ANKFY1: variants seen among roughly 807,000 people sequenced by gnomAD.
ANKFY1 encodes the protein ankyrin repeat and FYVE domain containing 1, also known as ankyrin repeat and FYVE domain-containing protein 1.
In ANKFY1, 47 loss-of-function variants were observed where a neutral mutation model predicts 128.3. The ratio of observed to expected loss-of-function variants is 0.37; its 90% CI spans 0.29 to 0.47. ANKFY1 has a LOEUF of 0.47. Among genes scored for constraint, ANKFY1 ranks in the 20% least tolerant of loss-of-function variants. The pLI is 1.00. For missense variants in ANKFY1, 1,222 were observed against 1,510.6 expected, an observed-to-expected ratio of 0.81 and a Z score of 3.17; for synonymous variants, 553 against 601.6, an observed-to-expected ratio of 0.92 and a Z score of 1.18.
intron 1 of ANKFY1, among the ~76,000 whole-genome samples, chr17:4,248,374 C>T (rs1182521274): frequency 1.3e-5 from 2 of 152,210 alleles, no homozygotes; most frequent in Non-Finnish European, 2.9e-5. Context: ...GACTCCAGTG[C>T]CTGATGATCT....
chr17:4,183,458 T>C lies in ANKFY1; in HGVS notation c.1892A>G (p.Gln631Arg), dbSNP rs775457875. Residue 631 changes from glutamine to arginine, a missense_variant, in exon 14 of 25, where the codon CAG (glutamine) becomes CGG (arginine). Coordinates refer to ENST00000341657, the MANE Select transcript of ANKFY1 (RefSeq NM_001330063.2). ...DGQTLLHMAI[Q>R]RQDSKSALFL... ...GAGTGCGCTCTTGCTGTCCTGCCGCTGTATGGCCATGTGCAGTAGCGTCTG... is the reference window on the plus strand; with the variant it reads ...GAGTGCGCTCTTGCTGTCCTGCCGCCGTATGGCCATGTGCAGTAGCGTCTG... 6.8e-6 allele frequency: 11 copies of C among 1,613,716 alleles called. No homozygotes were observed. Among genetic ancestry groups the C allele is most frequent in the African/African-American group, 6.7e-5 (5 of 74,942 alleles).
intron 1 of ANKFY1, among the ~76,000 whole-genome samples, chr17:4,244,112 G>A (rs1967403706): frequency 6.6e-6 from 1 of 152,130 alleles, no homozygotes; most frequent in Non-Finnish European, 1.5e-5. Context: ...TGTATTTTTA[G>A]TAGAGACAGG....
rs112052506 is a variant in ANKFY1, at chr17:4,199,311, C to T, written c.899-1734G>A. Among the ~76,000 whole-genome samples, 842 of 152,300 alleles carry T rather than the reference C, an allele frequency of 5.5e-3. 5 individuals carry two copies. Among genetic ancestry groups the T allele is most frequent in the Middle Eastern group, 0.014 (4 of 294 alleles). ...TCAGAGGATTCTCCTAACTCAGTCT[C>T]CTGAATAGCTGAGACTACAGGCACG... On this transcript the variant is annotated intron_variant, in intron 7 of 24. Transcript: ENST00000341657.
chr17:4,224,257 C>G (rs918181591), intron 3 of ANKFY1, among the ~76,000 whole-genome samples: 1 of 111,856 alleles, frequency 8.9e-6, no homozygotes, highest in African/African-American at 3.5e-5. Flanking sequence ...CGGAGTCTCG[C>G]TGTCGCCCAG....
intron 3 of ANKFY1, among the ~76,000 whole-genome samples, chr17:4,229,763 T>C (rs2060483674): frequency 6.6e-6 from 1 of 152,194 alleles, no homozygotes; most frequent in African/African-American, 2.4e-5. Context: ...GCTGTTTGAG[T>C]GTCCTCATGA....
intron 19 of ANKFY1, among the ~76,000 whole-genome samples, chr17:4,176,245 GCTTTTC>G (rs1243448429): frequency 6.6e-6 from 1 of 152,196 alleles, no homozygotes; most frequent in East Asian, 1.9e-4. Context: ...AGGTCACAAG[GCTTTTC>G]TAAAAAGCAC....
rs574678552 is a variant in ANKFY1, at chr17:4,253,510, C to A, written c.10+10422G>T. On this transcript the variant is annotated intron_variant, in intron 1 of 24. Transcript: ENST00000341657. ...TACCGTGACATCTTTCTATTCCTTG[C>A]TGATCACACCAACATTTCCTTGAGG... 4.6e-5 allele frequency among the ~76,000 whole-genome samples: 7 copies of A among 152,330 alleles called. No homozygotes were observed. In the South Asian group the frequency reaches 1.2e-3, roughly 27 times the overall value.
Position 4,169,613 on chromosome 17 carries a change from C to A in ANKFY1, c.3287-325G>T, listed in dbSNP as rs1179846233. Among the ~76,000 whole-genome samples the A allele has an allele frequency of 6.6e-6, 1 of 152,142 alleles. No homozygotes were observed. The highest frequency in any genetic ancestry group is 1.5e-5 in the Non-Finnish European group (1 of 68,030). On this transcript the variant is annotated intron_variant, in intron 23 of 24. Transcript: ENST00000341657. This position sits in a 1 kb window ranked among gnomAD's most constrained non-coding sequence, Gnocchi z 5.0. ...AGAGAACAGAGACCACACAGCTAGA[C>A]AAACTGGCCAGGGGAACAGAGGATG...
intron 6 of ANKFY1, among the ~76,000 whole-genome samples, chr17:4,207,699 A>G (rs2060050731): frequency 6.6e-6 from 1 of 152,182 alleles, no homozygotes; most frequent in African/African-American, 2.4e-5. Flanking sequence ...AAAAAAAAAA[A>G]AACTACCTAA....
rs766157391 is a variant in ANKFY1, at chr17:4,242,356, C to T, written c.103G>A (p.Ala35Thr). ...TTGTTTGCCTGCGCAGCCAAGAGAG[C>T]GCAGCGCTTCTCTGTCTCCGCCAGC... ...KKLAETEKRC[A>T]LLAAQANKES... is the part of the protein sequence containing the mutation. The change falls in exon 2 of 25, where the codon GCT becomes ACT. Residue 35 changes from alanine (A) to threonine (T), a missense_variant. Coordinates refer to ENST00000341657, the MANE Select transcript of ANKFY1 (RefSeq NM_001330063.2). 6.2e-6 allele frequency: 10 copies of T among 1,604,010 alleles called. No individual in the cohort carries two copies. Among genetic ancestry groups the T allele is most frequent in the African/African-American group, 2.7e-5 (2 of 74,272 alleles).
rs755669349 is a variant in ANKFY1 at position 4,177,286 on chromosome 17, C to T, written c.2615G>A (p.Arg872Gln). 13 of 1,592,438 alleles carry T rather than the reference C, an allele frequency of 8.2e-6. No individual in the cohort carries two copies. The highest frequency in any genetic ancestry group is 4.6e-5 in the East Asian group (2 of 43,908). Residue 872 changes from arginine (R) to glutamine (Q), a missense_variant, in exon 19 of 25, where the codon CGG becomes CAG. By Grantham distance (43) the Arg-to-Gln change is conservative (BLOSUM62 1). Coordinates refer to ENST00000341657, the MANE Select transcript of ANKFY1 (RefSeq NM_001330063.2). ...CTGAACTGCCACATGAAGGAAATTC[C>T]GGCCCTTGTTATCCACCTACAGCAA... The part of the protein sequence containing the change: ...GAAEQVDNKG[R>Q]NFLHVAVQNS...
Position 4,178,750 on chromosome 17 carries a change from CA to C in ANKFY1, c.2598+106del, listed in dbSNP as rs1160108950. On this transcript the variant is annotated intron_variant, in intron 18 of 24. Coordinates refer to ENST00000341657, the MANE Select transcript of ANKFY1 (RefSeq NM_001330063.2). The surrounding 1 kb of genome is among the most constrained non-coding windows in gnomAD (Gnocchi z 4.1). The stretch of plus-strand genomic sequence containing the variant: ...TTAGGACAGGAGTACAACTTCAAAA[CA>C]AAGCTCTTTCCATGAGGAGACCTGT... 2.7e-6 allele frequency: 3 copies of C among 1,130,984 alleles called. No individual in the cohort carries two copies. The highest frequency in any genetic ancestry group is 3.9e-6 in the Non-Finnish European group (3 of 772,692). The allele number at this position is 1,130,984 out of a possible 1,614,324, so 70.1% of individuals were successfully genotyped here.
intron 19 of ANKFY1, among the ~76,000 whole-genome samples, chr17:4,176,697 G>A (rs1029990867): frequency 1.3e-5 from 2 of 152,212 alleles, no homozygotes; most frequent in Non-Finnish European, 2.9e-5. Context: ...AGCACTACTT[G>A]CTTAGATAGC....
In ANKFY1 at chr17:4,181,274, G is replaced by A. The variant is rs759902738; in HGVS notation, c.2220C>T (p.Thr740=). Residue 740 remains threonine (T), a synonymous_variant, in exon 16 of 25, where the codon ACC becomes ACT. Coordinates refer to ENST00000341657, the MANE Select transcript of ANKFY1 (RefSeq NM_001330063.2). This position sits in a 1 kb window ranked among gnomAD's most constrained non-coding sequence, Gnocchi z 4.9. ...HRAIDENNEP[T]ACFLIRSGCD... is the part of the protein sequence containing the mutation. The stretch of plus-strand genomic sequence containing the variant: ...CAGACCTGCGAATAAGAAAGCAGGC[G>A]GTGGGCTCGTTGTTTTCATCAATGG... 8.1e-6 allele frequency: 13 copies of A among 1,613,864 alleles called. No individual in the cohort carries two copies. Among genetic ancestry groups the A allele is most frequent in the East Asian group, 2.2e-5 (1 of 44,896 alleles).
intron 7 of ANKFY1, among the ~76,000 whole-genome samples, chr17:4,201,144 C>A (rs35632375): frequency 0.31 from 47,153 of 152,024 alleles, 8,076 homozygotes; most frequent in Admixed American, 0.39. Context: ...AATCCTCCTG[C>A]CTCAGCCTCC....
In ANKFY1 at chr17:4,183,880, T is replaced by C; in HGVS notation, c.1730A>G (p.Gln577Arg). 6.2e-7 allele frequency: 1 copy of C among 1,613,902 alleles called. No individual in the cohort carries two copies. The highest frequency in any genetic ancestry group is 8.5e-7 in the Non-Finnish European group (1 of 1,179,758). ...ANALHATNNL[Q>R]IIPDFSLKDS... The stretch of plus-strand genomic sequence containing the variant: ...TTTGAGGCTGAAGTCCGGAATGATC[T>C]GCAAGTTGTTGGTGGCATGAAGAGC... Residue 577 changes from glutamine (Q) to arginine (R), a missense_variant, in exon 13 of 25, where the codon CAG becomes CGG. By Grantham distance (43) the Gln-to-Arg change is conservative. Transcript: ENST00000341657.
intron 3 of ANKFY1, among the ~76,000 whole-genome samples, chr17:4,232,500 A>G (rs2060530268): frequency 6.6e-6 from 1 of 152,240 alleles, no homozygotes; most frequent in African/African-American, 2.4e-5. Flanking sequence ...ATGTTCTCCT[A>G]TCTGCTATCT....
chr17:4,227,535 A>C (rs2060445247), intron 3 of ANKFY1, among the ~76,000 whole-genome samples: 1 of 152,232 alleles, frequency 6.6e-6, no homozygotes, highest in Non-Finnish European at 1.5e-5. Flanking sequence ...AAGCGTATCC[A>C]AGAAAAACCT....
Position 4,234,720 on chromosome 17 carries a change from C to T in ANKFY1, c.322+1052G>A, listed in dbSNP as rs182934692. ...GCTGCAGAGACAGGGTCTTCCCAGG[C>T]TAGTCTTGAATTCCCTGGGCTCAAG... On this transcript the variant is annotated intron_variant, in intron 3 of 24. Coordinates refer to ENST00000341657, the MANE Select transcript of ANKFY1 (RefSeq NM_001330063.2). 1.1e-3 allele frequency among the ~76,000 whole-genome samples: 164 copies of T among 152,212 alleles called. 2 individuals are homozygous for T. The highest frequency in any genetic ancestry group is 3.8e-3 in the African/African-American group (159 of 41,532).
Sources: gnomAD v4.1 joint callset for allele counts (sites outside exome capture counted in the v4.1 genomes callset) on GRCh38, gnomAD v4.1.1 for gene constraint, Gnocchi (gnomAD v3.1) non-coding constraint, MANE v1.5 for transcripts, NCBI Gene and HGNC (gene_info 2026-07-23, HGNC 2026-07-21) for gene names.